The following NAA35 variants were observed in gnomAD, a reference collection of about 807,000 sequenced individuals.
The protein encoded by NAA35 is N-alpha-acetyltransferase 35, NatC auxiliary subunit.
A neutral mutation model predicts 101.7 loss-of-function variants in NAA35; 18 were observed. That is an observed-to-expected ratio of 0.18 (90% CI 0.12 to 0.26). The LOEUF (loss-of-function observed/expected upper bound fraction) is 0.26. NAA35 is among the 10% of genes least tolerant of loss of function. The pLI is 1.00. For synonymous variants in NAA35, 267 were observed against 273.1 expected (o/e 0.98, Z 0.22); for missense variants, 601 against 886.8 (o/e 0.68, Z 4.09).
chr9:85,958,703 C>G (rs1829380765), intron 4 of NAA35, 117 bp downstream of exon 4: 1 of 577,344 alleles, frequency 1.7e-6, no homozygotes, highest in Non-Finnish European at 2.9e-6. Context: ...CAAAGCAGCT[C>G]AAGCATATAA....
chr9:86,004,832 C>G (rs1831562718), intron 13 of NAA35, among the ~76,000 whole-genome samples: 1 of 152,170 alleles, frequency 6.6e-6, no homozygotes, highest in Non-Finnish European at 1.5e-5. Context: ...AATGTAGATA[C>G]AGACTACCAA....
chr9:86,016,420 T>C (rs1832226846), intron 17 of NAA35, 119 bp from the exon 18 acceptor site: 6 of 774,430 alleles, frequency 7.7e-6, no homozygotes, highest in East Asian at 2.6e-5. Flanking sequence ...TATTATCTAA[T>C]GAATGATCTG....
chr9:85,941,218 G>C lies in NAA35; in HGVS notation c.-61G>C. 1 of 986,764 alleles carries C rather than the reference G, an allele frequency of 1.0e-6. No individual in the cohort carries two copies. 61.1% of individuals were successfully genotyped at this position (986,764 alleles called of 1,614,324 possible). ...GGGCGGCGGCGGCCGAGGCGGCGTC[G>C]TTATTTCCGTGGTCCGGACAGTGCG... On this transcript the variant is annotated 5_prime_UTR_variant, in exon 1 of 23. Transcript: ENST00000361671.
chr9:86,025,308 C>G lies in NAA35; in HGVS notation c.*3348C>G, dbSNP rs547807488. Among the ~76,000 whole-genome samples, 5 of 152,004 alleles carry G rather than the reference C, an allele frequency of 3.3e-5. No individual in the cohort carries two copies. Among genetic ancestry groups the G allele is most frequent in the Non-Finnish European group, 5.9e-5 (4 of 67,996 alleles). On this transcript the variant is annotated 3_prime_UTR_variant, in exon 23 of 23. Coordinates refer to ENST00000361671, the MANE Select transcript of NAA35 (RefSeq NM_024635.4). ...AAGTAAAGATTGCTGGCGACTGGGG[C>G]GAGCTCTTTCTTGAAGGGGTGGGGC...
At chr9:86,010,468 G>T (rs1831856060) in intron 15 of NAA35, among the ~76,000 whole-genome samples, 1 of 151,334 alleles carries the variant, frequency 6.6e-6, no homozygotes, top group South Asian at 2.1e-4. Flanking sequence ...GGGGACCATA[G>T]ATAGGGAATG....
rs1244794655 is a variant in NAA35, at chr9:86,000,031, C to T, written c.1056+3454C>T. ...TGAAGGTTTCTTACATAAATAAACA[C>T]TTGGCCTGCCTTGGACTCTTATTGT... On this transcript the variant is annotated intron_variant, in intron 12 of 22. Transcript: ENST00000361671. Among the ~76,000 whole-genome samples the T allele has an allele frequency of 2.0e-5, 3 of 152,098 alleles. No homozygotes were observed. In the Middle Eastern group the frequency reaches 0.01, roughly 517 times the overall value.
chr9:85,990,370 T>C (rs1830850354), intron 11 of NAA35, among the ~76,000 whole-genome samples: 1 of 152,216 alleles, frequency 6.6e-6, no homozygotes, highest in Non-Finnish European at 1.5e-5. Flanking sequence ...ACTTGAATTT[T>C]GGTGGGGACG....
At chr9:85,977,093 T>G (rs1216435198) in intron 9 of NAA35, among the ~76,000 whole-genome samples, 2 of 152,136 alleles carry the variant, frequency 1.3e-5, no homozygotes, top group Non-Finnish European at 2.9e-5. Flanking sequence ...AAAATGCAGA[T>G]AACATCAGTT....
intron 12 of NAA35, among the ~76,000 whole-genome samples, chr9:85,997,429 C>T (rs1831212018): frequency 6.6e-6 from 1 of 151,144 alleles, no homozygotes; most frequent in Admixed American, 6.6e-5. Context: ...GCAACCTCCG[C>T]CTGCCAGACT....
intron 12 of NAA35, among the ~76,000 whole-genome samples, chr9:86,000,087 A>T (rs1831354394): frequency 6.6e-6 from 1 of 152,126 alleles, no homozygotes; most frequent in African/African-American, 2.4e-5. Context: ...TACCTAGTTT[A>T]TTGAGAGTGT....
At chr9:85,994,959 T>C (rs1488751098) in intron 11 of NAA35, among the ~76,000 whole-genome samples, 1 of 152,156 alleles carries the variant, frequency 6.6e-6, no homozygotes, top group Non-Finnish European at 1.5e-5. Context: ...TTATTACACA[T>C]TGTGTACATG....
rs1828544858 is a variant in NAA35 at position 85,942,099 on chromosome 9, A to G, written c.-5-56A>G. 6 of 1,578,988 alleles carry G rather than the reference A, an allele frequency of 3.8e-6. 1 individual carries two copies. The highest frequency in any genetic ancestry group is 2.6e-6 in the Non-Finnish European group (3 of 1,166,214). On this transcript the variant is annotated intron_variant, in intron 1 of 22. Transcript: ENST00000361671. ...GCTGAAACAAACACCCATTTCTGCAAATACTCTTGCCCTGAAAGCTACATC... is the reference window on the plus strand; with the variant it reads ...GCTGAAACAAACACCCATTTCTGCAGATACTCTTGCCCTGAAAGCTACATC...
intron 5 of NAA35, among the ~76,000 whole-genome samples, chr9:85,960,370 C>T (rs974719580): frequency 1.4e-4 from 21 of 152,244 alleles, no homozygotes; most frequent in Admixed American, 1.3e-4. Flanking sequence ...GCTTCCCCCC[C>T]GCCCCACTTT....
intron 2 of NAA35, among the ~76,000 whole-genome samples, chr9:85,948,607 C>T (rs997258384): frequency 1.1e-4 from 17 of 152,156 alleles, no homozygotes; most frequent in African/African-American, 2.9e-4. Flanking sequence ...CTCTTAATAT[C>T]TGAAAATGTC....
At chr9:85,962,328 TA>T (rs1159060126) in intron 6 of NAA35, 148 bp downstream of exon 6, 6 of 620,606 alleles carry the variant, frequency 9.7e-6, no homozygotes, top group Non-Finnish European at 1.6e-5. Context: ...CTGTCTCTAC[TA>T]AAAATACACA....
intron 12 of NAA35, among the ~76,000 whole-genome samples, chr9:85,998,572 T>C (rs1587639438): frequency 6.6e-6 from 1 of 152,204 alleles, no homozygotes; most frequent in African/African-American, 2.4e-5. Flanking sequence ...ATATTTTTTA[T>C]GGGTTAAAAT....
At chr9:86,007,646 A>G (rs1317920261) in intron 14 of NAA35, among the ~76,000 whole-genome samples, 182 bp downstream of exon 14, 1 of 152,200 alleles carries the variant, frequency 6.6e-6, no homozygotes, top group East Asian at 1.9e-4. Flanking sequence ...TAAGGTTTTT[A>G]TGAGGTTGAC....
intron 6 of NAA35, chr9:85,966,479 T>G (rs1319326793): frequency 1.2e-5 from 4 of 338,960 alleles, no homozygotes; most frequent in African/African-American, 2.2e-5. Context: ...GGTTATCGAA[T>G]GTTTATAACA....
At chr9:86,015,783 TTAGA>T (rs1195268533) in intron 17 of NAA35, 3 of 978,086 alleles carry the variant, frequency 3.1e-6, no homozygotes, top group Non-Finnish European at 3.6e-6. Flanking sequence ...TGTCCTTAGG[TTAGA>T]TAAACAGAAG....
Sources: gnomAD v4.1 joint callset for allele counts (sites outside exome capture counted in the v4.1 genomes callset) on GRCh38, gnomAD v4.1.1 for gene constraint, MANE v1.5 for transcripts, NCBI Gene and HGNC (gene_info 2026-07-23, HGNC 2026-07-21) for gene names.